PNLDC1: variants seen among roughly 807,000 people sequenced by gnomAD.
PNLDC1 encodes the protein PARN like ribonuclease domain containing exonuclease 1, also known as poly(A)-specific ribonuclease PNLDC1.
A neutral mutation model predicts 82.0 loss-of-function variants in PNLDC1; 70 were observed. The observed-to-expected ratio is 0.85, with a 90% CI of 0.70 to 1.04. PNLDC1 has a LOEUF of 1.04. Among genes scored for constraint, PNLDC1 ranks in the 50% least tolerant of loss-of-function variants. The pLI is 0.00. For missense variants in PNLDC1, 631 were observed against 661.1 expected, an observed-to-expected ratio of 0.95 and a Z score of 0.50; for synonymous variants, 280 against 249.3, an observed-to-expected ratio of 1.12 and a Z score of -1.16.
rs1781919341 is a variant in PNLDC1 at position 159,818,568 on chromosome 6, C to T, written c.1171C>T (p.Pro391Ser). 3.7e-6 allele frequency: 6 copies of T among 1,613,698 alleles called. No homozygotes were observed. The highest frequency in any genetic ancestry group is 4.2e-6 in the Non-Finnish European group (5 of 1,180,022). ...LQKIYHIDPV[P>S]ESSFPQYLDV... The stretch of plus-strand genomic sequence containing the variant: ...CTGTCCTTGCAGCATCGACCCCGTG[C>T]CCGAGTCATCCTTTCCTCAGTACCT... The change falls in exon 16 of 19, where the codon CCC becomes TCC. Residue 391 changes from proline (P) to serine (S), a missense_variant. Transcript: ENST00000392167.
At chr6:159,810,190 A>G in intron 10 of PNLDC1, 95 bp downstream of exon 10, 1 of 1,147,414 alleles carries the variant, frequency 8.7e-7, no homozygotes, top group Non-Finnish European at 1.3e-6. Flanking sequence ...AGCTCCTAAA[A>G]TGCCCATTCC....
Position 159,815,967 on chromosome 6 carries a change from A to G in PNLDC1, c.996-2A>G. 4 of 1,611,988 alleles carry G rather than the reference A, an allele frequency of 2.5e-6. No individual in the cohort carries two copies. The highest frequency in any genetic ancestry group is 3.4e-6 in the Non-Finnish European group (4 of 1,178,582). On this transcript the variant is annotated splice_acceptor_variant, in intron 12 of 18. Coordinates refer to ENST00000392167, the MANE Select transcript of PNLDC1 (RefSeq NM_001271862.2). LOFTEE classifies it high-confidence loss of function. ...TTTTATTCTATTTTTCTTTTCCAAT[A>G]GTGACTTGAATCCCACCAAGAATTC...
chr6:159,808,871 T>C, intron 8 of PNLDC1, 55 bp downstream of exon 8: 8 of 1,605,152 alleles, frequency 5.0e-6, no homozygotes, highest in Admixed American at 1.7e-5. Context: ...TCTCTCATAA[T>C]TGGCCAAATC....
intron 10 of PNLDC1, among the ~76,000 whole-genome samples, chr6:159,810,369 A>T (rs979919682): frequency 6.6e-6 from 1 of 152,260 alleles, no homozygotes; most frequent in African/African-American, 2.4e-5. Context: ...TATTGTATGA[A>T]GCTTGGCAAA....
At position 159,810,022 on chromosome 6, in the gene PNLDC1, G is replaced by C. The variant is rs1410278127; in HGVS notation, c.784-4G>C. 6.2e-6 allele frequency: 10 copies of C among 1,612,722 alleles called. No individual in the cohort carries two copies. Among genetic ancestry groups the C allele is most frequent in the Non-Finnish European group, 6.8e-6 (8 of 1,178,880 alleles). On this transcript the variant is annotated splice_region_variant and splice_polypyrimidine_tract_variant and intron_variant, in intron 9 of 18. Transcript: ENST00000392167. ...TCTCTCACCTGTTGATTTACTCCAA[G>C]TAGCCCTTAGTGGGACATAATATGA... is the stretch of plus-strand genomic sequence containing the variant.
At chr6:159,803,232 T>C in intron 3 of PNLDC1, 39 bp from the exon 4 acceptor site, 1 of 1,610,706 alleles carries the variant, frequency 6.2e-7, no homozygotes, top group Non-Finnish European at 8.5e-7. Context: ...TCAGGTTGCT[T>C]TTCCTTGGCA....
Position 159,816,036 on chromosome 6 carries a change from A to G in PNLDC1, c.1060+3A>G, listed in dbSNP as rs768528584. On this transcript the variant is annotated splice_donor_region_variant and intron_variant, in intron 13 of 18. Coordinates refer to ENST00000392167, the MANE Select transcript of PNLDC1 (RefSeq NM_001271862.2). ...CGCGAGCAGGTGTGAGAAATATGGT[A>G]CGTTCCCATGAGCCCATAATCCTTG... 4 of 1,603,060 alleles carry G rather than the reference A, an allele frequency of 2.5e-6. No individual in the cohort carries two copies. The highest frequency in any genetic ancestry group is 3.4e-6 in the Non-Finnish European group (4 of 1,175,334).
At chr6:159,818,410 G>C in intron 15 of PNLDC1, 145 bp from the exon 16 acceptor site, 1 of 696,986 alleles carries the variant, frequency 1.4e-6, no homozygotes, top group Non-Finnish European at 2.5e-6. Flanking sequence ...CACCCAACCA[G>C]AGCCCCAAGA....
Position 159,820,569 on chromosome 6 carries a change from G to C in PNLDC1, c.*52G>C. ...CTCGGGTCCCCATGCTCTCTGGGAG[G>C]TGTGCTGGGTGTGTTCGTGTAAATC... On this transcript the variant is annotated 3_prime_UTR_variant, in exon 19 of 19. Transcript: ENST00000392167. 6.6e-7 allele frequency: 1 copy of C among 1,513,716 alleles called. No individual in the cohort carries two copies. The highest frequency in any genetic ancestry group is 9.2e-7 in the Non-Finnish European group (1 of 1,089,974). The allele number at this position is 1,513,716 out of a possible 1,614,324, so 93.8% of individuals were successfully genotyped here.
Position 159,803,293 on chromosome 6 carries a change from T to G in PNLDC1, c.231T>G (p.Ile77Met). Reference sequence around the variant, plus strand: ...CAGGATTGTCTGTGTTTTCCGCTATTGAAGGAGAGGCAAACAAGTATGTAT... The same window carrying G: ...CAGGATTGTCTGTGTTTTCCGCTATGGAAGGAGAGGCAAACAAGTATGTAT... ...CQIGLSVFSA[I>M]EGEANKYIAH... The change falls in exon 4 of 19, where the codon ATT (isoleucine) becomes ATG (methionine). Residue 77 changes from isoleucine (I) to methionine (M), a missense_variant. Physicochemically the swap from Ile to Met is conservative, Grantham distance 10 (BLOSUM62 1). Coordinates refer to ENST00000392167, the MANE Select transcript of PNLDC1 (RefSeq NM_001271862.2). 1 of 1,614,116 alleles carries G rather than the reference T, an allele frequency of 6.2e-7. No individual in the cohort carries two copies. Among genetic ancestry groups the G allele is most frequent in the Non-Finnish European group, 8.5e-7 (1 of 1,179,982 alleles).
intron 7 of PNLDC1, among the ~76,000 whole-genome samples, chr6:159,806,737 C>A (rs532231206): frequency 3.2e-4 from 49 of 152,256 alleles, no homozygotes; most frequent in South Asian, 6.2e-4. Flanking sequence ...TATTAAATCT[C>A]AATCTTTTGA....
chr6:159,807,730 A>T (rs1781499604), intron 7 of PNLDC1, among the ~76,000 whole-genome samples: 1 of 152,238 alleles, frequency 6.6e-6, no homozygotes. Context: ...AGGCCAGTGG[A>T]TTGTAATGTA....
In PNLDC1 at chr6:159,819,134, A is replaced by G. The variant is rs1781947043; in HGVS notation, c.1433+13A>G. ...ATAAGTTTAAGGAGTAGGTGCCTCT[A>G]AGTCCGCGTCCCCCACCCCTCGTGC... On this transcript the variant is annotated intron_variant, in intron 17 of 18. Transcript: ENST00000392167. This position sits in a 1 kb window ranked among gnomAD's most constrained non-coding sequence, Gnocchi z 4.6. The G allele has an allele frequency of 1.2e-6, 2 of 1,613,100 alleles. No individual in the cohort carries two copies. Among genetic ancestry groups the G allele is most frequent in the Non-Finnish European group, 1.7e-6 (2 of 1,179,342 alleles).
At position 159,804,378 on chromosome 6, in the gene PNLDC1, A is replaced by G. The variant is rs192676500; in HGVS notation, c.373-171A>G. Among the ~76,000 whole-genome samples the G allele has an allele frequency of 1.8e-4, 28 of 152,282 alleles. No individual in the cohort carries two copies. In the East Asian group the frequency reaches 3.9e-3, roughly 21 times the overall value. On this transcript the variant is annotated intron_variant, in intron 5 of 18. Coordinates refer to ENST00000392167, the MANE Select transcript of PNLDC1 (RefSeq NM_001271862.2). ...CTCGGCCTCCCAAAGTGCTGGGGTT[A>G]TAGGCATGAGCCACCGCACCCGGCC... is the stretch of plus-strand genomic sequence containing the variant.
chr6:159,816,692 T>C (rs1374587987), intron 14 of PNLDC1, 96 bp downstream of exon 14: 21 of 1,143,048 alleles, frequency 1.8e-5, no homozygotes, highest in Non-Finnish European at 2.7e-5. Context: ...AGTACAGTGG[T>C]GAGGATCTCG....
At position 159,800,696 on chromosome 6, in the gene PNLDC1, G is replaced by T. The variant is rs201270016; in HGVS notation, c.77-76G>T. 3,611 of 1,614,032 alleles carry T rather than the reference G, an allele frequency of 2.2e-3. 5 individuals are homozygous for T. Among genetic ancestry groups the T allele is most frequent in the Non-Finnish European group, 2.8e-3 (3,345 of 1,179,944 alleles). ...AGAGGTGAGCGCGGGTGCCTTGGCC[G>T]CCTGCAGATCTACAGTGTGAGGAGT... On this transcript the variant is annotated intron_variant, in intron 1 of 18. Transcript: ENST00000392167.
intron 12 of PNLDC1, among the ~76,000 whole-genome samples, chr6:159,814,534 C>T (rs1781752339): frequency 6.6e-6 from 1 of 152,168 alleles, no homozygotes; most frequent in Admixed American, 6.5e-5. Context: ...CTATGGGCAC[C>T]TTCAACTTGA....
At chr6:159,800,884 T>G in intron 2 of PNLDC1, 55 bp downstream of exon 2, 1 of 1,610,114 alleles carries the variant, frequency 6.2e-7, no homozygotes. Context: ...CCAGCACTGT[T>G]TCTGGCCAGC....
At chr6:159,811,872 GT>G (rs375968666) in intron 11 of PNLDC1, 86 bp downstream of exon 11, 12 of 998,894 alleles carry the variant, frequency 1.2e-5, no homozygotes, top group Admixed American at 1.2e-4. Context: ...TTTTTCTTGT[GT>G]TTTTTTGTTT....
Sources: allele counts gnomAD v4.1 joint callset (sites outside exome capture counted in the v4.1 genomes callset), GRCh38; gene constraint gnomAD v4.1.1; non-coding constraint Gnocchi (gnomAD v3.1); transcripts MANE v1.5; gene names NCBI Gene and HGNC (gene_info 2026-07-23, HGNC 2026-07-21).